The following C10orf90 variants were observed in gnomAD, a reference collection of about 807,000 sequenced individuals.
C10orf90 encodes (E2-independent) E3 ubiquitin-conjugating enzyme FATS.
In C10orf90, 56 loss-of-function variants were observed where a neutral mutation model predicts 62.5. The observed-to-expected ratio is 0.90, with a 90% CI of 0.72 to 1.12. The LOEUF is 1.12. Among genes scored for constraint, C10orf90 ranks in the 50% most tolerant of loss-of-function variants. The pLI, the probability that C10orf90 is intolerant of heterozygous loss-of-function variation, is 0.00. For missense variants in C10orf90, 970 were observed against 880.4 expected, an observed-to-expected ratio of 1.10 and a Z score of -1.29; for synonymous variants, 386 against 340.4, an observed-to-expected ratio of 1.13 and a Z score of -1.47.
intron 4 of C10orf90, among the ~76,000 whole-genome samples, chr10:126,486,535 C>T (rs1285337194): frequency 6.6e-6 from 1 of 152,086 alleles, no homozygotes. Flanking sequence ...TAGTTTATGT[C>T]CTGTATTTTC....
At chr10:126,634,574 A>G (rs1194807636) in intron 2 of C10orf90, among the ~76,000 whole-genome samples, 1 of 152,186 alleles carries the variant, frequency 6.6e-6, no homozygotes, top group Non-Finnish European at 1.5e-5. Context: ...CAAGTGTACA[A>G]TAGCGTATTG....
rs1564879089 is a variant in C10orf90, at chr10:126,576,705, GTATATATATACAAGATA to G, written c.314-62783_314-62767del. ...TATACATATACATGTATATGTATAT[GTATATATATACAAGATA>G]TACATATATATGTATATGTATATAT... On this transcript the variant is annotated intron_variant, in intron 2 of 9. Transcript: ENST00000488181. 6.2e-4 allele frequency among the ~76,000 whole-genome samples: 43 copies of G among 69,286 alleles called. 1 individual carries two copies. The East Asian group carries it at 6.8e-3, about 11-fold the overall frequency. The allele number at this position is 69,286 out of a possible 152,430, so 45.5% of individuals were successfully genotyped here.
chr10:126,504,006 A>T lies in C10orf90; in HGVS notation c.1485T>A (p.Asp495Glu), dbSNP rs758718805. 7 of 1,613,606 alleles carry T rather than the reference A, an allele frequency of 4.3e-6. No homozygotes were observed. The highest frequency in any genetic ancestry group is 5.9e-6 in the Non-Finnish European group (7 of 1,179,992). Residue 495 changes from aspartate to glutamate, a missense_variant, in exon 4 of 10, where the codon GAT (aspartate) becomes GAA (glutamate). Transcript: ENST00000488181. The surrounding 1 kb of genome is among the most constrained non-coding windows in gnomAD (Gnocchi z 4.1). The stretch of plus-strand genomic sequence containing the variant: ...TGTGAATGGACAGTTGGTTGGCATG[A>T]TCGCTGGCGTGACAATGAGTTGTAT... ...KDHTTHCHAS[D>E]HANQLSIHIP...
chr10:126,564,089 C>T (rs1315363075), intron 2 of C10orf90, among the ~76,000 whole-genome samples: 1 of 152,238 alleles, frequency 6.6e-6, no homozygotes, highest in East Asian at 1.9e-4. Flanking sequence ...TTGCAAATGG[C>T]TCCCACTCGC....
chr10:126,488,448 A>C (rs1861552006), intron 4 of C10orf90, among the ~76,000 whole-genome samples: 1 of 152,106 alleles, frequency 6.6e-6, no homozygotes, highest in African/African-American at 2.4e-5. Context: ...AAGAATCTAC[A>C]AAAAATAAGA....
intron 2 of C10orf90, among the ~76,000 whole-genome samples, chr10:126,622,797 A>T (rs1313769588): frequency 6.6e-6 from 1 of 152,182 alleles, no homozygotes; most frequent in Non-Finnish European, 1.5e-5. Flanking sequence ...AGCATTAACC[A>T]TGCTGTAGTC....
intron 4 of C10orf90, among the ~76,000 whole-genome samples, chr10:126,484,518 A>G (rs893291555): frequency 2.2e-4 from 34 of 152,214 alleles, no homozygotes; most frequent in Admixed American, 3.9e-4. Context: ...AGACAAAAAT[A>G]ATGTATTTTT....
intron 1 of C10orf90, among the ~76,000 whole-genome samples, chr10:126,662,692 A>G (rs941381196): frequency 1.3e-5 from 2 of 152,126 alleles, no homozygotes; most frequent in African/African-American, 4.8e-5. Flanking sequence ...ACTCTTCCAT[A>G]AAGAATGTGC....
At chr10:126,535,066 A>G (rs1398049594) in intron 2 of C10orf90, among the ~76,000 whole-genome samples, 1 of 152,128 alleles carries the variant, frequency 6.6e-6, no homozygotes, top group Admixed American at 6.5e-5. Context: ...ATATATTGTG[A>G]GATTGTGAGA....
At chr10:126,636,364 G>C (rs1845950376) in intron 2 of C10orf90, among the ~76,000 whole-genome samples, 1 of 152,164 alleles carries the variant, frequency 6.6e-6, no homozygotes, top group African/African-American at 2.4e-5. Context: ...GAGAGAAAGA[G>C]AGAGACTCAC....
At chr10:126,632,371 T>C (rs1845867961) in intron 2 of C10orf90, among the ~76,000 whole-genome samples, 1 of 151,876 alleles carries the variant, frequency 6.6e-6, no homozygotes, top group African/African-American at 2.4e-5. Context: ...CCCACTGCAG[T>C]CCTTGAGGGA....
At chr10:126,570,201 C>A (rs1384450815) in intron 2 of C10orf90, among the ~76,000 whole-genome samples, 1 of 152,212 alleles carries the variant, frequency 6.6e-6, no homozygotes, top group Admixed American at 6.5e-5. Flanking sequence ...GCACAGTATG[C>A]TTTATGCCTG....
At chr10:126,432,941 G>A (rs1169066957) in intron 7 of C10orf90, among the ~76,000 whole-genome samples, 1 of 152,260 alleles carries the variant, frequency 6.6e-6, no homozygotes, top group East Asian at 1.9e-4. Flanking sequence ...GCCATGTGGA[G>A]TTTTAAACAT....
intron 1 of C10orf90, 90 bp downstream of exon 1, chr10:126,670,151 G>A: frequency 2.5e-6 from 1 of 393,288 alleles, no homozygotes; most frequent in East Asian, 7.3e-5. Context: ...TATTAGACCA[G>A]ATAAAACACC....
intron 1 of C10orf90, among the ~76,000 whole-genome samples, chr10:126,659,845 C>A (rs1846472476): frequency 6.6e-6 from 1 of 152,202 alleles, no homozygotes; most frequent in Admixed American, 6.5e-5. Context: ...GACTAATCAA[C>A]CATCATGCAC....
At chr10:126,494,312 G>A (rs1861922007) in intron 4 of C10orf90, among the ~76,000 whole-genome samples, 1 of 152,104 alleles carries the variant, frequency 6.6e-6, no homozygotes, top group Non-Finnish European at 1.5e-5. Context: ...GGGAAAGGTA[G>A]GACAAAGCCA....
chr10:126,470,577 A>AAAACAAACAAACAAAC (rs10637715), intron 4 of C10orf90, among the ~76,000 whole-genome samples: 3,763 of 150,012 alleles, frequency 0.025, 184 homozygotes, highest in African/African-American at 0.088. Flanking sequence ...TAAAAACTAA[A>AAAACAAACAAACAAAC]AAACAAACAA....
intron 2 of C10orf90, among the ~76,000 whole-genome samples, chr10:126,599,451 C>T (rs142350199): frequency 0.021 from 3,247 of 151,746 alleles, 131 homozygotes; most frequent in African/African-American, 0.074. Context: ...CCACCTGCCT[C>T]GGCCTCCCAA....
chr10:126,557,580 C>T (rs1035295047), intron 2 of C10orf90, among the ~76,000 whole-genome samples: 9 of 152,162 alleles, frequency 5.9e-5, no homozygotes, highest in Non-Finnish European at 1.0e-4. Context: ...GTCCTTTCCT[C>T]AGTCTACTTT....
Sources: allele counts gnomAD v4.1 joint callset (sites outside exome capture counted in the v4.1 genomes callset), GRCh38; gene constraint gnomAD v4.1.1; non-coding constraint Gnocchi (gnomAD v3.1); transcripts MANE v1.5; gene names NCBI Gene and HGNC (gene_info 2026-07-23, HGNC 2026-07-21).